Variants in KIF27 observed in about 807,000 individuals in gnomAD.
KIF27 encodes kinesin-like protein KIF27.
KIF27 carries 84 observed loss-of-function variants against 141.8 expected under a neutral mutation model. That is an observed-to-expected ratio of 0.59 (90% CI 0.50 to 0.71). KIF27 has a LOEUF of 0.71. KIF27 is among the 30% of genes least tolerant of loss of function. The pLI is 0.00. For synonymous variants in KIF27, 471 were observed against 569.5 expected, an observed-to-expected ratio of 0.83 and a Z score of 2.46; for missense variants, 1,306 against 1,628.4, an observed-to-expected ratio of 0.80 and a Z score of 3.41.
intron 1 of KIF27, among the ~76,000 whole-genome samples, chr9:83,918,357 A>G (rs1247064022): frequency 1.4e-4 from 18 of 129,516 alleles, no homozygotes; most frequent in South Asian, 2.9e-4. Flanking sequence ...GAGAGGAGGG[A>G]GGGAGGGAAG....
rs1313999918 is a variant in KIF27 at position 83,883,940 on chromosome 9, A to G, written c.2318T>C (p.Val773Ala). The G allele has an allele frequency of 4.3e-6, 7 of 1,613,694 alleles. No individual in the cohort carries two copies. In the East Asian group the frequency reaches 1.3e-4, roughly 31 times the overall value. Residue 773 changes from valine to alanine, a missense_variant, in exon 10 of 18, where the codon GTC becomes GCC. By Grantham distance (64) the Val-to-Ala change is moderately conservative (BLOSUM62 0). Transcript: ENST00000297814. ...KLEHDAEQAK[V>A]ELIETQKQLQ... ...CTGCTTTTGTGTTTCAATCAGTTCGACTTTTGCCTGTTCTGCATCATGCTC... is the reference window on the plus strand; with the variant it reads ...CTGCTTTTGTGTTTCAATCAGTTCGGCTTTTGCCTGTTCTGCATCATGCTC...
intron 3 of KIF27, among the ~76,000 whole-genome samples, chr9:83,905,671 T>C (rs564629469): frequency 5.3e-5 from 8 of 152,368 alleles, no homozygotes; most frequent in African/African-American, 1.7e-4. Context: ...TGTTAGGCTA[T>C]AAGTTAGCAC....
intron 17 of KIF27, among the ~76,000 whole-genome samples, chr9:83,840,872 C>T (rs1405920793): frequency 1.3e-5 from 2 of 152,048 alleles, no homozygotes; most frequent in African/African-American, 2.4e-5. Flanking sequence ...TCTTGGAATA[C>T]TGAACCAGCA....
intron 4 of KIF27, among the ~76,000 whole-genome samples, chr9:83,901,711 A>G (rs1238599450): frequency 6.6e-6 from 1 of 152,126 alleles, no homozygotes; most frequent in African/African-American, 2.4e-5. Context: ...CGTCTCTACT[A>G]AAAATACAAA....
chr9:83,848,295 G>GATATATATGATATATCAT (rs1156475577), intron 16 of KIF27, among the ~76,000 whole-genome samples: 14 of 61,372 alleles, frequency 2.3e-4, no homozygotes, highest in South Asian at 4.4e-4. Context: ...TGATATATCA[G>GATATATATGATATATCAT]ATATGATATA....
Position 83,915,844 on chromosome 9 carries a change from C to G in KIF27, c.-87-166G>C, listed in dbSNP as rs141422294. 2.9e-3 allele frequency among the ~76,000 whole-genome samples: 435 copies of G among 152,114 alleles called. 3 individuals carry two copies. Among genetic ancestry groups the G allele is most frequent in the African/African-American group, 1.0e-2 (414 of 41,496 alleles). ...AATACATCGTAAATTTGTAGACAAACTAGTATGTCTTGGGTTTGCTTCAAA... is the reference window on the plus strand; with the variant it reads ...AATACATCGTAAATTTGTAGACAAAGTAGTATGTCTTGGGTTTGCTTCAAA... On this transcript the variant is annotated intron_variant, in intron 1 of 17. Coordinates refer to ENST00000297814, the MANE Select transcript of KIF27 (RefSeq NM_017576.4).
At chr9:83,848,324 T>TATATG (rs1948030215) in intron 16 of KIF27, among the ~76,000 whole-genome samples, 1 of 93,784 alleles carries the variant, frequency 1.1e-5, no homozygotes, top group Admixed American at 1.0e-4. Context: ...ATCATATATC[T>TATATG]ATATATCTAT....
intron 3 of KIF27, among the ~76,000 whole-genome samples, chr9:83,906,024 A>G (rs763006221): frequency 6.6e-6 from 1 of 152,230 alleles, no homozygotes; most frequent in Admixed American, 6.5e-5. Context: ...GTTTATCAAG[A>G]GTGATGGTGA....
rs34191544 is a variant in KIF27, at chr9:83,903,471, G to A, written c.1047C>T (p.Phe349=). ...CATCTATACGGTCTGACTCGGGGCT[G>A]AAGTTTACAGTGGGTTTGTTTCTAA... ...RNIRNKPTVN[F]SPESDRIDEM... Residue 349 remains phenylalanine (F), a synonymous_variant, in exon 4 of 18, where the codon TTC becomes TTT. Transcript: ENST00000297814. 2.0e-3 allele frequency: 3,237 copies of A among 1,614,146 alleles called. 52 individuals carry two copies. The African/African-American group carries it at 0.035, about 17-fold the overall frequency.
At chr9:83,841,730 C>T (rs1023002507) in intron 17 of KIF27, among the ~76,000 whole-genome samples, 5 of 152,032 alleles carry the variant, frequency 3.3e-5, no homozygotes, top group Middle Eastern at 3.2e-3. Context: ...CATGTTATTT[C>T]ATTTAGGAAT....
rs145300186 is a variant in KIF27, at chr9:83,915,308, C to G, written c.284G>C (p.Gly95Ala). The change falls in exon 2 of 18, where the codon GGA becomes GCA. Residue 95 changes from glycine to alanine, a missense_variant. Physicochemically the swap from Gly to Ala is moderately conservative, Grantham distance 60. This residue lies in a region of KIF27 where 533 missense variants were observed against 565.6 expected (regional missense o/e 0.94). Coordinates refer to ENST00000297814, the MANE Select transcript of KIF27 (RefSeq NM_017576.4). ...QTGSGKTYTI[G>A]GGHIASVVEG... ...AAGAATCTTACCAATATGGCCCCCT[C>G]CAATGGTGTATGTCTTCCCAGATCC... The G allele has an allele frequency of 9.3e-6, 15 of 1,606,656 alleles. No individual in the cohort carries two copies. The highest frequency in any genetic ancestry group is 1.2e-5 in the Non-Finnish European group (14 of 1,176,396).
intron 13 of KIF27, among the ~76,000 whole-genome samples, chr9:83,867,418 T>C (rs1286030771): frequency 2.0e-5 from 3 of 147,940 alleles, no homozygotes; most frequent in South Asian, 4.3e-4. Flanking sequence ...ATCCATCCAT[T>C]AATCCACCCA....
chr9:83,849,711 A>T (rs910665670), intron 16 of KIF27: 1 of 180,322 alleles, frequency 5.5e-6, no homozygotes, highest in African/African-American at 2.4e-5. Flanking sequence ...AGAACCTATC[A>T]CTTTAATTTT....
At chr9:83,852,870 G>A (rs1346082780) in intron 15 of KIF27, among the ~76,000 whole-genome samples, 1 of 152,128 alleles carries the variant, frequency 6.6e-6, no homozygotes, top group African/African-American at 2.4e-5. Flanking sequence ...CTCCCAAAGT[G>A]CTGGGATTAC....
chr9:83,908,628 C>T lies in KIF27; in HGVS notation c.323G>A (p.Gly108Asp), dbSNP rs1954819472. 2 of 1,605,364 alleles carry T rather than the reference C, an allele frequency of 1.2e-6. No individual in the cohort carries two copies. The highest frequency in any genetic ancestry group is 1.7e-6 in the Non-Finnish European group (2 of 1,175,672). The stretch of plus-strand genomic sequence containing the variant: ...TTCTTGAATAGCTCGAGGAATGATA[C>T]CCTTTTGGCCCTCCACAACTGAAGC... ...HIASVVEGQK[G>D]IIPRAIQEIF... Residue 108 changes from glycine (G) to aspartate (D), a missense_variant, in exon 3 of 18, where the codon GGT becomes GAT. Physicochemically the swap from Gly to Asp is moderately conservative, Grantham distance 94. This residue lies in a region of KIF27 where 533 missense variants were observed against 565.6 expected (regional missense o/e 0.94). Transcript: ENST00000297814.
chr9:83,904,552 G>A (rs2132602323), intron 3 of KIF27, among the ~76,000 whole-genome samples: 1 of 152,188 alleles, frequency 6.6e-6, no homozygotes, highest in East Asian at 1.9e-4. Flanking sequence ...TGTATTTTTA[G>A]TAGAGATGGG....
At chr9:83,864,549 T>C (rs1170616178) in intron 13 of KIF27, among the ~76,000 whole-genome samples, 1 of 152,236 alleles carries the variant, frequency 6.6e-6, no homozygotes, top group South Asian at 2.1e-4. Flanking sequence ...CAGTTTGTTA[T>C]AATTTCTATT....
chr9:83,841,780 A>G (rs1445218850), intron 17 of KIF27, among the ~76,000 whole-genome samples: 1 of 152,184 alleles, frequency 6.6e-6, no homozygotes, highest in African/African-American at 2.4e-5. Flanking sequence ...ATACAAGGAA[A>G]CATCTTTGTC....
At chr9:83,919,221 T>C (rs12337093) in intron 1 of KIF27, among the ~76,000 whole-genome samples, 5 of 152,152 alleles carry the variant, frequency 3.3e-5, no homozygotes, top group African/African-American at 9.7e-5. Context: ...GGTAAAATGG[T>C]ATAGCCACTT....
Sources: allele counts gnomAD v4.1 joint callset (sites outside exome capture counted in the v4.1 genomes callset), GRCh38; gene constraint gnomAD v4.1.1; regional missense constraint gnomAD v4.1.1; transcripts MANE v1.5; gene names NCBI Gene and HGNC (gene_info 2026-07-23, HGNC 2026-07-21).